The following HDAC4 variants were observed in gnomAD, a reference collection of about 807,000 sequenced individuals.
The protein encoded by HDAC4 is histone deacetylase A.
Under a neutral mutation model 135.1 loss-of-function variants are expected in HDAC4, and 16 were observed. The observed-to-expected ratio is 0.12, with a 90% CI of 0.08 to 0.18. The LOEUF (loss-of-function observed/expected upper bound fraction) is 0.18, where lower values mean the gene tolerates loss of function less well. Ranked by LOEUF, HDAC4 falls within the 10% of genes least tolerant of loss-of-function variation. HDAC4 has a pLI of 1.00. For missense variants in HDAC4, 1,143 were observed against 1,511.8 expected (o/e 0.76, Z 4.05); for synonymous variants, 685 against 653.4 (o/e 1.05, Z -0.74).
intron 3 of HDAC4, among the ~76,000 whole-genome samples, chr2:239,194,789 C>T (rs1264470829): frequency 6.6e-6 from 1 of 152,232 alleles, no homozygotes; most frequent in East Asian, 1.9e-4. Flanking sequence ...GCTGCCAAGG[C>T]CAGCAACTGA....
intron 2 of HDAC4, among the ~76,000 whole-genome samples, chr2:239,300,927 G>A (rs13000297): frequency 0.38 from 57,249 of 152,140 alleles, 11,014 homozygotes; most frequent in Middle Eastern, 0.41. Context: ...CGGGGTCCAT[G>A]TGGGACCCCT....
intron 2 of HDAC4, among the ~76,000 whole-genome samples, chr2:239,284,907 A>G (rs1392566468): frequency 6.6e-6 from 1 of 152,212 alleles, no homozygotes; most frequent in Non-Finnish European, 1.5e-5. Flanking sequence ...TAATTAGGGT[A>G]TATTTAGAGG....
Position 239,349,209 on chromosome 2 carries a change from G to C in HDAC4, c.22+3469C>G, listed in dbSNP as rs1328224590. 6.6e-6 allele frequency among the ~76,000 whole-genome samples: 1 copy of C among 152,144 alleles called. No individual in the cohort carries two copies. The highest frequency in any genetic ancestry group is 2.4e-5 in the African/African-American group (1 of 41,444). Reference sequence around the variant, plus strand: ...AGCCGGGTGGGCAGGGCGAAGGACAGGGCCAGCTAGCAGAGGACGGCACGA... The same window carrying C: ...AGCCGGGTGGGCAGGGCGAAGGACACGGCCAGCTAGCAGAGGACGGCACGA... On this transcript the variant is annotated intron_variant, in intron 2 of 26. Transcript: ENST00000543185. This position sits in a 1 kb window ranked among gnomAD's most constrained non-coding sequence, Gnocchi z 5.7.
chr2:239,356,436 T>G (rs1693494417), intron 1 of HDAC4, among the ~76,000 whole-genome samples: 2 of 152,120 alleles, frequency 1.3e-5, no homozygotes. Context: ...ACTAAAAAGC[T>G]TTTGGAGAGA....
At chr2:239,204,346 C>A (rs1475325395) in intron 3 of HDAC4, among the ~76,000 whole-genome samples, 1 of 152,170 alleles carries the variant, frequency 6.6e-6, no homozygotes, top group East Asian at 1.9e-4. Context: ...TCGGCCTGGG[C>A]TTTATTAGAA....
chr2:239,250,916 C>T (rs1185899055), intron 2 of HDAC4, among the ~76,000 whole-genome samples: 8 of 152,182 alleles, frequency 5.3e-5, no homozygotes, highest in Non-Finnish European at 8.8e-5. Context: ...TCTGCAGACC[C>T]GGGGAACCTG....
At chr2:239,070,258 C>T (rs561496589) in intron 22 of HDAC4, among the ~76,000 whole-genome samples, 1 of 152,284 alleles carries the variant, frequency 6.6e-6, no homozygotes, top group Admixed American at 6.5e-5. Context: ...GGAATTACAA[C>T]ACAAGACACT....
rs895271327 is a variant in HDAC4, at chr2:239,068,005, C to T, written c.2869+484G>A. Among the ~76,000 whole-genome samples, 2 of 152,210 alleles carry T rather than the reference C, an allele frequency of 1.3e-5. No individual in the cohort carries two copies. Among genetic ancestry groups the T allele is most frequent in the Non-Finnish European group, 2.9e-5 (2 of 68,030 alleles). On this transcript the variant is annotated intron_variant, in intron 23 of 26. Transcript: ENST00000543185. The surrounding 1 kb of genome is among the most constrained non-coding windows in gnomAD (Gnocchi z 4.4). Reference sequence around the variant, plus strand: ...CAGCAGGAGCACTGCTGGGCAGTCCCTCCTCCCATCCTGACAGCATGGCCC... The same window carrying T: ...CAGCAGGAGCACTGCTGGGCAGTCCTTCCTCCCATCCTGACAGCATGGCCC...
chr2:239,346,503 A>G (rs560856556), intron 2 of HDAC4, among the ~76,000 whole-genome samples: 6 of 146,046 alleles, frequency 4.1e-5, no homozygotes, highest in Non-Finnish European at 9.0e-5. Flanking sequence ...CACACAGTCT[A>G]AGACACACAC....
At chr2:239,256,942 G>A (rs2049084689) in intron 2 of HDAC4, among the ~76,000 whole-genome samples, 1 of 152,234 alleles carries the variant, frequency 6.6e-6, no homozygotes, top group African/African-American at 2.4e-5. Flanking sequence ...ACGTGGGATA[G>A]CCTAAGAAGA....
Position 239,074,005 on chromosome 2 carries a change from G to A in HDAC4, c.2751-5398C>T, listed in dbSNP as rs557482907. Reference sequence around the variant, plus strand: ...CTGAGGGGGCCGCAGGACTGAGGGGGGCAGCAGGACTGAGGGGAGCAGCAG... The same window carrying A: ...CTGAGGGGGCCGCAGGACTGAGGGGAGCAGCAGGACTGAGGGGAGCAGCAG... On this transcript the variant is annotated intron_variant, in intron 22 of 26. Coordinates refer to ENST00000543185, the MANE Select transcript of HDAC4 (RefSeq NM_001378414.1). Among the ~76,000 whole-genome samples, 39 of 147,226 alleles carry A rather than the reference G, an allele frequency of 2.6e-4. No homozygotes were observed. The South Asian group carries it at 8.0e-3, about 30-fold the overall frequency.
intron 2 of HDAC4, among the ~76,000 whole-genome samples, chr2:239,316,035 T>C (rs1035896779): frequency 2.0e-5 from 3 of 152,094 alleles, no homozygotes; most frequent in African/African-American, 7.2e-5. Context: ...TCTTACAAAC[T>C]GTGTGAACAG....
At chr2:239,224,778 A>G (rs1390630959) in intron 3 of HDAC4, among the ~76,000 whole-genome samples, 1 of 152,230 alleles carries the variant, frequency 6.6e-6, no homozygotes. Flanking sequence ...GAATGAGTTG[A>G]ACGCAGAAAT....
chr2:239,299,709 T>C lies in HDAC4; in HGVS notation c.22+52969A>G, dbSNP rs2052134606. Among the ~76,000 whole-genome samples, 1 of 152,224 alleles carries C rather than the reference T, an allele frequency of 6.6e-6. No homozygotes were observed. Among genetic ancestry groups the C allele is most frequent in the Non-Finnish European group, 1.5e-5 (1 of 68,050 alleles). ...GGAGCAAGGTCCTGCCCACCTGCAC[T>C]GGTGGCCTCCCAGCAGCTCTCATAG... is the stretch of plus-strand genomic sequence containing the variant. On this transcript the variant is annotated intron_variant, in intron 2 of 26. Transcript: ENST00000543185. This position sits in a 1 kb window ranked among gnomAD's most constrained non-coding sequence, Gnocchi z 4.0.
chr2:239,169,730 C>T (rs2043334520), intron 5 of HDAC4, among the ~76,000 whole-genome samples: 1 of 152,160 alleles, frequency 6.6e-6, no homozygotes, highest in Non-Finnish European at 1.5e-5. Context: ...ATGCAAAGAC[C>T]AGGCGTGCGT....
At chr2:239,184,214 C>T (rs1575328232) in intron 4 of HDAC4, among the ~76,000 whole-genome samples, 1 of 152,172 alleles carries the variant, frequency 6.6e-6, no homozygotes, top group Non-Finnish European at 1.5e-5. Flanking sequence ...AGAGGGTAAG[C>T]CTTGCAGGAG....
chr2:239,312,995 G>A (rs940748678), intron 2 of HDAC4, among the ~76,000 whole-genome samples: 3 of 152,234 alleles, frequency 2.0e-5, no homozygotes, highest in Non-Finnish European at 4.4e-5. Flanking sequence ...CTGCCGACGG[G>A]AGGCAGACGA....
chr2:239,275,162 G>A (rs2050282593), intron 2 of HDAC4, among the ~76,000 whole-genome samples: 4 of 126,788 alleles, frequency 3.2e-5, no homozygotes, highest in South Asian at 2.1e-4. Flanking sequence ...GGTGGGGGCC[G>A]GCCGGAAGCC....
At chr2:239,228,407 CTG>C (rs2307756) in intron 3 of HDAC4, among the ~76,000 whole-genome samples, 114,269 of 151,886 alleles carry the variant, frequency 0.75, 43,139 homozygotes, top group South Asian at 0.93. Flanking sequence ...GGAGCTGTCA[CTG>C]TGAGAGTTAG....
Sources: gnomAD v4.1 joint callset for allele counts (sites outside exome capture counted in the v4.1 genomes callset) on GRCh38, gnomAD v4.1.1 for gene constraint, Gnocchi (gnomAD v3.1) non-coding constraint, MANE v1.5 for transcripts, NCBI Gene and HGNC (gene_info 2026-07-23, HGNC 2026-07-21) for gene names.